The following STX17 variants were observed in gnomAD, a reference collection of about 807,000 sequenced individuals.
The protein encoded by STX17 is syntaxin-17.
In STX17, 29 loss-of-function variants were observed where a neutral mutation model predicts 35.9. The ratio of observed to expected loss-of-function variants is 0.81; its 90% CI spans 0.60 to 1.10. STX17 has a LOEUF of 1.10. Among genes scored for constraint, STX17 ranks in the 50% least tolerant of loss-of-function variants. The pLI, the probability that STX17 is intolerant of heterozygous loss-of-function variation, is 0.00. For synonymous variants in STX17, 92 were observed against 118.3 expected (o/e 0.78, Z 1.44); for missense variants, 312 against 352.3 (o/e 0.89, Z 0.92).
At chr9:99,910,717 G>C (rs1458047847) in intron 1 of STX17, among the ~76,000 whole-genome samples, 2 of 152,192 alleles carry the variant, frequency 1.3e-5, no homozygotes, top group African/African-American at 4.8e-5. Context: ...TTTGAAATAT[G>C]CAATAAATTA....
intron 3 of STX17, among the ~76,000 whole-genome samples, chr9:99,947,343 G>A (rs1829505251): frequency 6.6e-6 from 1 of 151,904 alleles, no homozygotes; most frequent in African/African-American, 2.4e-5. Context: ...TTATTTTTAT[G>A]CCTTTGAACA....
At chr9:99,923,261 A>G (rs1372042913) in intron 2 of STX17, among the ~76,000 whole-genome samples, 1 of 152,156 alleles carries the variant, frequency 6.6e-6, no homozygotes, top group African/African-American at 2.4e-5. Flanking sequence ...TCACATTTTA[A>G]TAATTCATGG....
At chr9:99,945,541 T>C (rs1829464396) in intron 3 of STX17, among the ~76,000 whole-genome samples, 1 of 152,134 alleles carries the variant, frequency 6.6e-6, no homozygotes, top group African/African-American at 2.4e-5. Context: ...CTATAAATCT[T>C]TATCCTGTAA....
At chr9:99,943,190 G>A (rs1829402241) in intron 3 of STX17, among the ~76,000 whole-genome samples, 1 of 152,180 alleles carries the variant, frequency 6.6e-6, no homozygotes, top group African/African-American at 2.4e-5. Flanking sequence ...CTGGAGTGCA[G>A]TGGCGCGATC....
chr9:99,957,654 TTG>T (rs889870797), intron 4 of STX17, among the ~76,000 whole-genome samples: 14 of 111,822 alleles, frequency 1.3e-4, no homozygotes, highest in African/African-American at 2.5e-4. Flanking sequence ...GTTATTGTTT[TTG>T]TTTTTTTTTT....
At chr9:99,942,814 G>A (rs1829393805) in intron 3 of STX17, among the ~76,000 whole-genome samples, 1 of 151,638 alleles carries the variant, frequency 6.6e-6, no homozygotes, top group Admixed American at 6.6e-5. Flanking sequence ...TCATTGCTCT[G>A]TAGTGCTACT....
chr9:99,949,361 A>G (rs1031967628), intron 3 of STX17, among the ~76,000 whole-genome samples: 1 of 152,096 alleles, frequency 6.6e-6, no homozygotes, highest in Non-Finnish European at 1.5e-5. Flanking sequence ...TTGTAACTAA[A>G]CTATTTTTTT....
chr9:99,950,813 T>G (rs1829576296), intron 3 of STX17, among the ~76,000 whole-genome samples: 1 of 151,986 alleles, frequency 6.6e-6, no homozygotes, highest in South Asian at 2.1e-4. Context: ...TGAAGAGCAT[T>G]TATTTTTGTA....
rs1227034124 is a variant in STX17, at chr9:99,972,299, A to G, written c.*3626A>G. ...AAAAATAAACTTTAATGCTTTTTAA[A>G]ACAAATTTATCATAATTCATAGATC... is the stretch of plus-strand genomic sequence containing the variant. On this transcript the variant is annotated 3_prime_UTR_variant, in exon 8 of 8. Transcript: ENST00000259400. Among the ~76,000 whole-genome samples the G allele has an allele frequency of 2.0e-5, 3 of 152,226 alleles. No individual in the cohort carries two copies. Among genetic ancestry groups the G allele is most frequent in the Non-Finnish European group, 4.4e-5 (3 of 68,034 alleles).
intron 3 of STX17, among the ~76,000 whole-genome samples, chr9:99,934,752 G>A (rs1215730532): frequency 3.9e-5 from 6 of 152,064 alleles, no homozygotes; most frequent in Non-Finnish European, 5.9e-5. Context: ...ATTACATGTT[G>A]TAAAAACACA....
intron 1 of STX17, 32 bp downstream of exon 1, chr9:99,906,738 G>T (rs895548636): frequency 2.6e-5 from 4 of 152,214 alleles, no homozygotes; most frequent in African/African-American, 7.2e-5. Flanking sequence ...GCCTTTGGGG[G>T]CGTCGGGCCC....
Position 99,971,062 on chromosome 9 carries a change from A to G in STX17, c.*2389A>G, listed in dbSNP as rs1445369442. Among the ~76,000 whole-genome samples the G allele has an allele frequency of 6.6e-6, 1 of 152,240 alleles. No individual in the cohort carries two copies. The highest frequency in any genetic ancestry group is 1.5e-5 in the Non-Finnish European group (1 of 68,038). On this transcript the variant is annotated 3_prime_UTR_variant, in exon 8 of 8. Transcript: ENST00000259400. ...AACCTAATAGCCAACTTTTTCATAG[A>G]AATTGCTAGAAGAGTTTGATCAACT...
intron 2 of STX17, among the ~76,000 whole-genome samples, chr9:99,921,079 A>G (rs1437404351): frequency 6.6e-6 from 1 of 152,118 alleles, no homozygotes; most frequent in Non-Finnish European, 1.5e-5. Context: ...TAGGTTAGTT[A>G]TTGTTACTGC....
chr9:99,909,234 A>G (rs756580453), intron 1 of STX17, among the ~76,000 whole-genome samples: 4 of 152,188 alleles, frequency 2.6e-5, no homozygotes, highest in Non-Finnish European at 4.4e-5. Context: ...TGGTTATGCT[A>G]TTCGTTTATA....
intron 3 of STX17, among the ~76,000 whole-genome samples, chr9:99,949,490 C>T (rs1440149662): frequency 2.6e-5 from 4 of 151,770 alleles, no homozygotes; most frequent in African/African-American, 9.7e-5. Flanking sequence ...CTGGCCCTAT[C>T]GGAATATCTG....
intron 3 of STX17, among the ~76,000 whole-genome samples, chr9:99,937,015 T>C (rs1320346986): frequency 1.3e-5 from 2 of 152,298 alleles, no homozygotes; most frequent in African/African-American, 4.8e-5. Flanking sequence ...TATTTCGCCA[T>C]TGTTTTTAAA....
chr9:99,944,375 G>A (rs574504558), intron 3 of STX17, among the ~76,000 whole-genome samples: 1 of 151,310 alleles, frequency 6.6e-6, no homozygotes, highest in South Asian at 2.1e-4. Flanking sequence ...CTAGTTTCTT[G>A]CAATGGATTT....
rs753391476 is a variant in STX17 at position 99,928,759 on chromosome 9, C to A, written c.124-19C>A. On this transcript the variant is annotated intron_variant, in intron 2 of 7. Transcript: ENST00000259400. ...TTAGTGATGAAAAATTTAATACCTCCCTTCTTTCTTTTATATAGTATCAAA... is the reference window on the plus strand; with the variant it reads ...TTAGTGATGAAAAATTTAATACCTCACTTCTTTCTTTTATATAGTATCAAA... The A allele has an allele frequency of 1.3e-6, 2 of 1,594,200 alleles. No individual in the cohort carries two copies. Among genetic ancestry groups the A allele is most frequent in the South Asian group, 2.2e-5 (2 of 90,336 alleles).
In STX17 at chr9:99,960,052, C is replaced by A. The variant is rs767738250; in HGVS notation, c.531+20C>A. 43 of 1,613,784 alleles carry A rather than the reference C, an allele frequency of 2.7e-5. No individual in the cohort carries two copies. The highest frequency in any genetic ancestry group is 4.5e-5 in the East Asian group (2 of 44,826). ...GAAGCGGTATGTTAAAAAATGTTTT[C>A]TTTTTGGTAGTTGTGAGGCATAAAA... On this transcript the variant is annotated intron_variant, in intron 5 of 7. Transcript: ENST00000259400.
Sources: allele counts gnomAD v4.1 joint callset (sites outside exome capture counted in the v4.1 genomes callset), GRCh38; gene constraint gnomAD v4.1.1; transcripts MANE v1.5; gene names NCBI Gene and HGNC (gene_info 2026-07-23, HGNC 2026-07-21).